Variants in CCDC192 observed in about 807,000 individuals in gnomAD.
CCDC192 encodes coiled-coil domain-containing protein 192.
chr5:127,748,583 C>T (rs1416881403), intron 2 of CCDC192, among the ~76,000 whole-genome samples: 5 of 145,240 alleles, frequency 3.4e-5, no homozygotes, highest in Admixed American at 7.0e-5. Context: ...ATTGACTTGG[C>T]GATTTGGGCT....
intron 6 of CCDC192, among the ~76,000 whole-genome samples, chr5:127,889,093 A>G (rs1752656131): frequency 6.6e-6 from 1 of 152,250 alleles, no homozygotes; most frequent in Admixed American, 6.5e-5. Context: ...AGCACTACCA[A>G]GATGCTAAGA....
chr5:127,934,605 A>G (rs1408047891), intron 6 of CCDC192, among the ~76,000 whole-genome samples: 1 of 152,230 alleles, frequency 6.6e-6, no homozygotes, highest in East Asian at 1.9e-4. Context: ...AAACTTCAAG[A>G]CATAGGACTA....
intron 2 of CCDC192, among the ~76,000 whole-genome samples, chr5:127,710,803 C>G (rs566903708): frequency 6.6e-6 from 1 of 152,148 alleles, no homozygotes; most frequent in Admixed American, 6.5e-5. Context: ...ATTCAAGGAG[C>G]TCCAGAATGT....
chr5:127,835,148 C>T (rs1490411147), intron 5 of CCDC192, among the ~76,000 whole-genome samples: 1 of 152,054 alleles, frequency 6.6e-6, no homozygotes, highest in Admixed American at 6.6e-5. Context: ...CTATGTGGTT[C>T]TATGGTATGT....
chr5:127,895,064 C>T (rs1022573103), intron 6 of CCDC192, among the ~76,000 whole-genome samples: 2 of 152,030 alleles, frequency 1.3e-5, no homozygotes, highest in Non-Finnish European at 2.9e-5. Context: ...TAAGCGTGTG[C>T]TGCGGTATTT....
chr5:127,800,713 C>T (rs1468135540), intron 5 of CCDC192, among the ~76,000 whole-genome samples: 1 of 152,100 alleles, frequency 6.6e-6, no homozygotes, highest in Non-Finnish European at 1.5e-5. Context: ...TTCGTATCCC[C>T]CAGCCATGGT....
chr5:127,718,335 C>T (rs1272230202), intron 2 of CCDC192, among the ~76,000 whole-genome samples: 1 of 152,184 alleles, frequency 6.6e-6, no homozygotes, highest in African/African-American at 2.4e-5. Flanking sequence ...CCCCAAGAGG[C>T]ACCAGTGGTG....
At chr5:127,738,492 G>C (rs1367975849) in intron 2 of CCDC192, among the ~76,000 whole-genome samples, 3 of 143,988 alleles carry the variant, frequency 2.1e-5, no homozygotes, top group Non-Finnish European at 4.5e-5. Flanking sequence ...TGCTAGATTG[G>C]GGAAGTTCTC....
At chr5:127,811,078 A>T (rs1405842621) in intron 5 of CCDC192, among the ~76,000 whole-genome samples, 1 of 152,118 alleles carries the variant, frequency 6.6e-6, no homozygotes, top group Non-Finnish European at 1.5e-5. Context: ...TTTACATATA[A>T]TTGCCTATTT....
At chr5:127,928,328 A>G in intron 6 of CCDC192, among the ~76,000 whole-genome samples, 1 of 152,208 alleles carries the variant, frequency 6.6e-6, no homozygotes, top group South Asian at 2.1e-4. Flanking sequence ...TTCTAGAGGA[A>G]CATATCTTTC....
intron 5 of CCDC192, among the ~76,000 whole-genome samples, chr5:127,860,572 A>G (rs937168519): frequency 3.9e-5 from 6 of 152,214 alleles, no homozygotes; most frequent in Non-Finnish European, 7.3e-5. Flanking sequence ...CACTTACTCT[A>G]TCATAAAAGA....
At chr5:127,800,984 C>T (rs907677705) in intron 5 of CCDC192, among the ~76,000 whole-genome samples, 1 of 152,144 alleles carries the variant, frequency 6.6e-6, no homozygotes, top group Non-Finnish European at 1.5e-5. Flanking sequence ...CACAACCCCA[C>T]TCCCCGTTAC....
intron 6 of CCDC192, among the ~76,000 whole-genome samples, chr5:127,912,046 C>T (rs1234445924): frequency 2.6e-5 from 4 of 151,726 alleles, no homozygotes; most frequent in Non-Finnish European, 4.4e-5. Flanking sequence ...CTCAGCCTCC[C>T]GAGCAGCTGG....
chr5:127,779,502 A>G (rs893719402), intron 3 of CCDC192, among the ~76,000 whole-genome samples: 4 of 149,982 alleles, frequency 2.7e-5, no homozygotes, highest in African/African-American at 1.0e-4. Context: ...TCACTGTGTT[A>G]GCCGGGACAG....
At chr5:127,747,212 C>T (rs1396925540) in intron 2 of CCDC192, among the ~76,000 whole-genome samples, 3 of 151,850 alleles carry the variant, frequency 2.0e-5, no homozygotes, top group South Asian at 2.1e-4. Context: ...CCCACTAACT[C>T]GTCATCTAGC....
chr5:127,767,964 A>T (rs1755325286), intron 3 of CCDC192, among the ~76,000 whole-genome samples: 1 of 152,164 alleles, frequency 6.6e-6, no homozygotes, highest in South Asian at 2.1e-4. Context: ...AGTAGTAAAG[A>T]TAAGGTCGGC....
intron 6 of CCDC192, among the ~76,000 whole-genome samples, chr5:127,926,134 C>T (rs1753857426): frequency 6.6e-6 from 1 of 152,188 alleles, no homozygotes; most frequent in Non-Finnish European, 1.5e-5. Context: ...TTTGAACACT[C>T]AGCAATGTAT....
intron 6 of CCDC192, among the ~76,000 whole-genome samples, chr5:127,898,991 C>T (rs747090967): frequency 1.1e-4 from 16 of 152,064 alleles, no homozygotes; most frequent in Non-Finnish European, 2.2e-4. Flanking sequence ...GTGGTTACAG[C>T]GAGAGTGGGT....
chr5:127,886,470 A>G lies in CCDC192; in HGVS notation c.535+10809A>G, dbSNP rs150169630. On this transcript the variant is annotated intron_variant, in intron 6 of 6. Transcript: ENST00000514853. ...TCCTTCTGCCTCTGCCACCCCTGAG[A>G]TGACAAGACCACCCCTCCTCTTCCT... Among the ~76,000 whole-genome samples, 594 of 152,220 alleles carry G rather than the reference A, an allele frequency of 3.9e-3. 5 individuals carry two copies. The highest frequency in any genetic ancestry group is 0.013 in the African/African-American group (556 of 41,534).
Sources: gnomAD v4.1 joint callset for allele counts (sites outside exome capture counted in the v4.1 genomes callset) on GRCh38, gnomAD v4.1.1 for gene constraint, MANE v1.5 for transcripts, NCBI Gene and HGNC (gene_info 2026-07-23, HGNC 2026-07-21) for gene names.